NAALADL2: variants seen among roughly 807,000 people sequenced by gnomAD.
NAALADL2 encodes the protein N-acetylated alpha-linked acidic dipeptidase like 2, also known as inactive N-acetylated-alpha-linked acidic dipeptidase-like protein 2.
NAALADL2 carries 76 observed loss-of-function variants against 87.2 expected under a neutral mutation model. The observed-to-expected ratio is 0.87, with a 90% CI of 0.72 to 1.05. The LOEUF is 1.05. Among genes scored for constraint, NAALADL2 ranks in the 50% least tolerant of loss-of-function variants. The pLI, the probability that NAALADL2 is intolerant of heterozygous loss-of-function variation, is 0.00. For missense variants in NAALADL2, 1,089 were observed against 945.8 expected (o/e 1.15, Z -1.99); for synonymous variants, 354 against 331.0 (o/e 1.07, Z -0.75).
chr3:175,049,786 C>G (rs757770363), intron 1 of NAALADL2, among the ~76,000 whole-genome samples: 1 of 152,122 alleles, frequency 6.6e-6, no homozygotes, highest in Non-Finnish European at 1.5e-5. Flanking sequence ...AAGCATTAAG[C>G]TCTCTGGATT....
At chr3:175,450,911 G>C (rs1051262130) in intron 6 of NAALADL2, among the ~76,000 whole-genome samples, 12 of 152,106 alleles carry the variant, frequency 7.9e-5, no homozygotes, top group African/African-American at 2.9e-4. Context: ...GTAGCTCTGG[G>C]ATCTTTCTCT....
chr3:175,608,628 C>A (rs562733086), intron 10 of NAALADL2, among the ~76,000 whole-genome samples: 2 of 152,014 alleles, frequency 1.3e-5, no homozygotes, highest in African/African-American at 4.8e-5. Context: ...ATTGTTATAA[C>A]GATCGTGTAG....
At chr3:174,497,480 C>T (rs757647768) in intron 1 of NAALADL2, among the ~76,000 whole-genome samples, 8 of 150,290 alleles carry the variant, frequency 5.3e-5, no homozygotes, top group South Asian at 2.1e-4. Flanking sequence ...AAAGAAGAAG[C>T]GAAAAGAAAC....
chr3:175,104,331 G>A (rs1205991792), intron 2 of NAALADL2, among the ~76,000 whole-genome samples: 1 of 152,038 alleles, frequency 6.6e-6, no homozygotes, highest in Non-Finnish European at 1.5e-5. Context: ...GGTTATCAGG[G>A]CACTAGAAAG....
chr3:175,094,798 T>C (rs1720837388), intron 1 of NAALADL2, among the ~76,000 whole-genome samples: 2 of 137,530 alleles, frequency 1.5e-5, no homozygotes, highest in Admixed American at 1.5e-4. Context: ...GTGAATATTA[T>C]ACATCCTCCT....
rs192529589 is a variant in NAALADL2, at chr3:174,577,837, A to T, written c.-115+27200A>T. 7.1e-3 allele frequency among the ~76,000 whole-genome samples: 1,082 copies of T among 152,194 alleles called. 10 individuals are homozygous for T. The highest frequency in any genetic ancestry group is 0.011 in the Non-Finnish European group (760 of 67,930). The stretch of plus-strand genomic sequence containing the variant: ...ACGAATCAGATCTTGAAACTATCTG[A>T]CAAGAACATTAATACAGTGCTTTTA... On this transcript the variant is annotated intron_variant, in intron 2 of 3. Transcript: ENST00000434257.
At chr3:174,759,660 T>C (rs1373614571) in intron 3 of NAALADL2, among the ~76,000 whole-genome samples, 1 of 152,170 alleles carries the variant, frequency 6.6e-6, no homozygotes, top group Admixed American at 6.5e-5. Context: ...CCAAATCTAC[T>C]AACATGTTTC....
At chr3:174,790,583 G>A (rs1014155256) in intron 3 of NAALADL2, among the ~76,000 whole-genome samples, 2 of 151,714 alleles carry the variant, frequency 1.3e-5, no homozygotes, top group African/African-American at 4.8e-5. Flanking sequence ...AGGAGGCAGA[G>A]GTTGCAATGT....
intron 1 of NAALADL2, among the ~76,000 whole-genome samples, chr3:174,958,551 A>G (rs1741484653): frequency 4.6e-5 from 7 of 152,048 alleles, no homozygotes; most frequent in Admixed American, 4.6e-4. Flanking sequence ...GAGTGATTCA[A>G]TAACTGATTA....
intron 9 of NAALADL2, among the ~76,000 whole-genome samples, chr3:175,524,551 T>C (rs1459165664): frequency 6.6e-6 from 1 of 152,146 alleles, no homozygotes; most frequent in African/African-American, 2.4e-5. Flanking sequence ...TTTCTCTTCC[T>C]TATATAGTTT....
At chr3:174,734,095 G>T (rs1041548735) in intron 2 of NAALADL2, among the ~76,000 whole-genome samples, 1 of 152,056 alleles carries the variant, frequency 6.6e-6, no homozygotes, top group Non-Finnish European at 1.5e-5. Context: ...CGGTGTTGAG[G>T]GGGAGCAGAA....
intron 3 of NAALADL2, among the ~76,000 whole-genome samples, chr3:174,748,405 C>G (rs934675660): frequency 1.3e-5 from 2 of 151,668 alleles, no homozygotes; most frequent in African/African-American, 4.8e-5. Context: ...AATTCTCATC[C>G]TGGATGTTCT....
At chr3:174,612,382 C>G (rs1241925695) in intron 2 of NAALADL2, among the ~76,000 whole-genome samples, 1 of 152,116 alleles carries the variant, frequency 6.6e-6, no homozygotes, top group Non-Finnish European at 1.5e-5. Context: ...ACGTTCTACT[C>G]CATCTCTTTC....
At chr3:174,832,648 A>G (rs1045592617) in intron 3 of NAALADL2, among the ~76,000 whole-genome samples, 2 of 152,014 alleles carry the variant, frequency 1.3e-5, no homozygotes, top group African/African-American at 2.4e-5. Context: ...TGTATTTTTT[A>G]GTAGAGACAG....
chr3:174,901,233 A>G (rs1732262038), intron 1 of NAALADL2, among the ~76,000 whole-genome samples: 1 of 152,198 alleles, frequency 6.6e-6, no homozygotes, highest in African/African-American at 2.4e-5. Context: ...TTTAACATGT[A>G]TCAAGGAATG....
At chr3:175,227,045 G>C (rs985609584) in intron 2 of NAALADL2, among the ~76,000 whole-genome samples, 2 of 152,018 alleles carry the variant, frequency 1.3e-5, no homozygotes, top group African/African-American at 4.8e-5. Context: ...TATAGTATGA[G>C]TATCTGCATA....
intron 5 of NAALADL2, among the ~76,000 whole-genome samples, chr3:175,326,800 A>G (rs1020969824): frequency 6.6e-6 from 1 of 152,172 alleles, no homozygotes; most frequent in East Asian, 1.9e-4. Flanking sequence ...TCATGATAAC[A>G]GCATTAATCC....
intron 2 of NAALADL2, among the ~76,000 whole-genome samples, chr3:174,557,207 A>C (rs1326939468): frequency 1.3e-5 from 2 of 152,126 alleles, no homozygotes; most frequent in Non-Finnish European, 2.9e-5. Flanking sequence ...CTAATAATAA[A>C]AACTCGATTT....
At chr3:174,849,734 C>CAAAAA (rs57620256) in intron 3 of NAALADL2, among the ~76,000 whole-genome samples, 3 of 62,824 alleles carry the variant, frequency 4.8e-5, no homozygotes, top group Non-Finnish European at 6.0e-5. Context: ...GACTCTGACT[C>CAAAAA]AAAAAAAAAA....
Sources: allele counts gnomAD v4.1 joint callset (sites outside exome capture counted in the v4.1 genomes callset), GRCh38; gene constraint gnomAD v4.1.1; transcripts MANE v1.5; gene names NCBI Gene and HGNC (gene_info 2026-07-23, HGNC 2026-07-21).